Variants in ZEB2 observed in about 807,000 individuals in gnomAD.
ZEB2 encodes zinc finger E-box-binding homeobox 2.
ZEB2 carries 6 observed loss-of-function variants against 99.9 expected under a neutral mutation model. The observed-to-expected ratio is 0.06, with a 90% CI of 0.03 to 0.12. The LOEUF (loss-of-function observed/expected upper bound fraction) is 0.12. Ranked by LOEUF, ZEB2 falls within the 10% of genes least tolerant of loss-of-function variation. The pLI is 1.00. For synonymous variants in ZEB2, 517 were observed against 542.5 expected (o/e 0.95, Z 0.65); for missense variants, 969 against 1,502.8 (o/e 0.64, Z 5.87).
intron 2 of ZEB2, chr2:144,482,314 C>T (rs2149914681): frequency 6.6e-6 from 1 of 152,320 alleles, no homozygotes; most frequent in East Asian, 1.9e-4. Flanking sequence ...TTTTCACCTC[C>T]ACCTACCATA....
chr2:144,401,427 T>C, intron 6 of ZEB2, 120 bp from the exon 7 acceptor site: 1 of 864,576 alleles, frequency 1.2e-6, no homozygotes, highest in East Asian at 2.5e-5. Context: ...TGCATGCTTA[T>C]TTATCTGCTC....
intron 6 of ZEB2, among the ~76,000 whole-genome samples, chr2:144,402,518 C>T (rs1703327321): frequency 6.6e-6 from 1 of 152,196 alleles, no homozygotes; most frequent in African/African-American, 2.4e-5. Flanking sequence ...CCCCCCACAG[C>T]CCTCAGAGGA....
At chr2:144,490,921 G>A (rs970182756) in intron 2 of ZEB2, among the ~76,000 whole-genome samples, 1 of 152,230 alleles carries the variant, frequency 6.6e-6, no homozygotes, top group Non-Finnish European at 1.5e-5. Context: ...GTCTGCTCGT[G>A]CAGGCCTCTG....
rs753804606 is a variant in ZEB2 at position 144,399,899 on chromosome 2, G to A, written c.1288C>T (p.Pro430Ser). 4 of 1,614,190 alleles carry A rather than the reference G, an allele frequency of 2.5e-6. No individual in the cohort carries two copies. The highest frequency in any genetic ancestry group is 3.3e-5 in the Admixed American group (2 of 60,020). Residue 430 changes from proline (P) to serine (S), a missense_variant, in exon 8 of 10, where the codon CCA (proline) becomes TCA (serine). Pro to Ser is a moderately conservative substitution (Grantham distance 74). Around this residue, in one of 8 missense-constraint regions of ZEB2, gnomAD observed 227 missense variants for 278.2 expected, o/e 0.82. Transcript: ENST00000627532. The surrounding 1 kb of genome is among the most constrained non-coding windows in gnomAD (Gnocchi z 5.6). ...TGCTGCATTGGACTCTGAGCAGATG[G>A]ATGAACTCCTAAAGGGCTGGTGGCT... is the stretch of plus-strand genomic sequence containing the variant. ...LGATSPLGVH[P>S]SAQSPMQHLG...
intron 1 of ZEB2, 194 bp downstream of exon 1, chr2:144,519,745 A>G (rs1199279272): frequency 2.9e-6 from 1 of 347,212 alleles, no homozygotes; most frequent in African/African-American, 2.1e-5. Flanking sequence ...AGTGTAAGAG[A>G]AAGCGAAGAA....
chr2:144,433,409 A>C (rs1282020981), intron 2 of ZEB2, among the ~76,000 whole-genome samples: 1 of 152,228 alleles, frequency 6.6e-6, no homozygotes, highest in Non-Finnish European at 1.5e-5. Context: ...CTATGTTTAC[A>C]TGATAATTGA....
intron 2 of ZEB2, among the ~76,000 whole-genome samples, chr2:144,456,690 A>G (rs1704126130): frequency 6.6e-6 from 1 of 152,168 alleles, no homozygotes; most frequent in Non-Finnish European, 1.5e-5. Context: ...TTTCTTCCTT[A>G]GTAAAAACAA....
At chr2:144,449,317 T>C (rs971836390) in intron 2 of ZEB2, among the ~76,000 whole-genome samples, 1 of 152,302 alleles carries the variant, frequency 6.6e-6, no homozygotes, top group Admixed American at 6.5e-5. Context: ...GCTTTGTTAT[T>C]TCCTTCTGGC....
At chr2:144,466,584 T>C (rs1275204226) in intron 2 of ZEB2, among the ~76,000 whole-genome samples, 1 of 152,188 alleles carries the variant, frequency 6.6e-6, no homozygotes, top group Non-Finnish European at 1.5e-5. Context: ...ACTTAGCTAA[T>C]GCACTGAATC....
At chr2:144,481,923 G>T (rs1370955125) in intron 2 of ZEB2, among the ~76,000 whole-genome samples, 1 of 152,060 alleles carries the variant, frequency 6.6e-6, no homozygotes, top group African/African-American at 2.4e-5. Flanking sequence ...GCTCATCCTT[G>T]TACTTTTCCA....
At chr2:144,411,946 A>G (rs962526041) in intron 4 of ZEB2, among the ~76,000 whole-genome samples, 3 of 152,268 alleles carry the variant, frequency 2.0e-5, no homozygotes, top group Admixed American at 6.5e-5. Context: ...GTATTGGCAC[A>G]GAATGATAGA....
intron 2 of ZEB2, among the ~76,000 whole-genome samples, chr2:144,435,372 C>T (rs1703823909): frequency 6.6e-6 from 1 of 151,860 alleles, no homozygotes. Flanking sequence ...CTTTGGGAGG[C>T]CAAGCAGGGA....
chr2:144,437,659 T>A (rs1321085252), intron 2 of ZEB2, among the ~76,000 whole-genome samples: 1 of 152,196 alleles, frequency 6.6e-6, no homozygotes, highest in Non-Finnish European at 1.5e-5. Flanking sequence ...TATTTTTTTT[T>A]ATCTGACATG....
At chr2:144,471,926 G>A (rs866486177) in intron 2 of ZEB2, among the ~76,000 whole-genome samples, 9 of 151,826 alleles carry the variant, frequency 5.9e-5, no homozygotes, top group Non-Finnish European at 1.0e-4. Flanking sequence ...CCACCAAAAC[G>A]TAAATTATTA....
intron 2 of ZEB2, among the ~76,000 whole-genome samples, chr2:144,452,700 C>G (rs1427588215): frequency 3.9e-5 from 6 of 152,112 alleles, no homozygotes; most frequent in Admixed American, 1.3e-4. Context: ...TCTCACCCCC[C>G]TGTCTTTTGT....
intron 2 of ZEB2, among the ~76,000 whole-genome samples, chr2:144,476,150 CT>C (rs994513302): frequency 4.5e-4 from 67 of 150,106 alleles, no homozygotes; most frequent in African/African-American, 9.8e-4. Context: ...TACTACTTAT[CT>C]TTTTTTTTTC....
chr2:144,387,467 A>G lies in ZEB2; in HGVS notation c.*1984T>C, dbSNP rs10179925. 0.99 allele frequency: 151,497 copies of G among 152,288 alleles called. 75,359 individuals are homozygous for G. Among genetic ancestry groups the G allele is most frequent in the Non-Finnish European group, 1 (68,004 of 68,010 alleles). 9.4% of individuals were successfully genotyped at this position (152,288 alleles called of 1,614,324 possible). ...CTTGTAAAAACTGAAAAACTGTCTTAGAAAATCACGGTTATTTTTGTTAGC... is the reference window on the plus strand; with the variant it reads ...CTTGTAAAAACTGAAAAACTGTCTTGGAAAATCACGGTTATTTTTGTTAGC... On this transcript the variant is annotated 3_prime_UTR_variant, in exon 10 of 10. Coordinates refer to ENST00000627532, the MANE Select transcript of ZEB2 (RefSeq NM_014795.4).
At position 144,400,006 on chromosome 2, in the gene ZEB2, G is replaced by A; in HGVS notation, c.1181C>T (p.Pro394Leu). The A allele has an allele frequency of 6.2e-7, 1 of 1,614,154 alleles. No individual in the cohort carries two copies. Among genetic ancestry groups the A allele is most frequent in the Non-Finnish European group, 8.5e-7 (1 of 1,180,004 alleles). Residue 394 changes from proline to leucine, a missense_variant, in exon 8 of 10, where the codon CCA (proline) becomes CTA (leucine). By Grantham distance (98) the Pro-to-Leu change is moderately conservative. Around this residue, in one of 8 missense-constraint regions of ZEB2, gnomAD observed 227 missense variants for 278.2 expected, o/e 0.82. Transcript: ENST00000627532. ...AACTTTATAGTCATTGAAGTCTAGT[G>A]GTTCTGTTTTAATTTTAAGTAAGCC... is the stretch of plus-strand genomic sequence containing the variant. Reference protein sequence around the residue: ...QTGLLKIKTEPLDFNDYKVLM... With the variant: ...QTGLLKIKTELLDFNDYKVLM...
At chr2:144,451,726 T>G (rs75149973) in intron 2 of ZEB2, among the ~76,000 whole-genome samples, 1,803 of 152,356 alleles carry the variant, frequency 0.012, 12 homozygotes, top group Non-Finnish European at 0.018. Flanking sequence ...TTTTGCTGTA[T>G]TGCGAGAAAG....
Sources: allele counts gnomAD v4.1 joint callset (sites outside exome capture counted in the v4.1 genomes callset), GRCh38; gene constraint gnomAD v4.1.1; regional missense constraint gnomAD v4.1.1; non-coding constraint Gnocchi (gnomAD v3.1); transcripts MANE v1.5; gene names NCBI Gene and HGNC (gene_info 2026-07-23, HGNC 2026-07-21).